Variants in UXS1 observed in about 807,000 individuals in gnomAD.
UXS1 encodes the protein UDP-glucuronic acid decarboxylase 1.
In UXS1, 33 loss-of-function variants were observed where a neutral mutation model predicts 62.6. The observed-to-expected ratio is 0.53, with a 90% CI of 0.40 to 0.70. The LOEUF (loss-of-function observed/expected upper bound fraction) is 0.70, where lower values mean the gene tolerates loss of function less well. UXS1 is among the 30% of genes least tolerant of loss of function. The pLI, the probability that UXS1 is intolerant of heterozygous loss-of-function variation, is 0.00. For missense variants in UXS1, 434 were observed against 556.3 expected, an observed-to-expected ratio of 0.78 and a Z score of 2.21; for synonymous variants, 213 against 206.8, an observed-to-expected ratio of 1.03 and a Z score of -0.26.
At chr2:106,120,863 G>A (rs1037052833) in intron 9 of UXS1, among the ~76,000 whole-genome samples, 1 of 152,226 alleles carries the variant, frequency 6.6e-6, no homozygotes, top group Non-Finnish European at 1.5e-5. Context: ...CCAACGGAGT[G>A]ACAGGGACAC....
At chr2:106,112,385 G>A (rs960623056) in intron 10 of UXS1, among the ~76,000 whole-genome samples, 2 of 152,210 alleles carry the variant, frequency 1.3e-5, no homozygotes, top group African/African-American at 2.4e-5. Flanking sequence ...TTCACAGGCC[G>A]GCTGGTACAG....
chr2:106,130,710 A>G (rs1422576813), intron 6 of UXS1, among the ~76,000 whole-genome samples: 1 of 152,206 alleles, frequency 6.6e-6, no homozygotes, highest in Non-Finnish European at 1.5e-5. Context: ...CGGGAATGGA[A>G]GAGCTGAAGA....
At chr2:106,155,735 C>G (rs1379133397) in intron 5 of UXS1, among the ~76,000 whole-genome samples, 1 of 152,062 alleles carries the variant, frequency 6.6e-6, no homozygotes, top group Non-Finnish European at 1.5e-5. Flanking sequence ...AGAATGTATC[C>G]CCACTGTTAA....
At chr2:106,166,285 A>G in intron 1 of UXS1, 1 of 528,074 alleles carries the variant, frequency 1.9e-6, no homozygotes, top group Non-Finnish European at 3.2e-6. Flanking sequence ...GAGTTTATTC[A>G]GGCCAAGTTT....
intron 5 of UXS1, among the ~76,000 whole-genome samples, chr2:106,145,808 A>T (rs1284126865): frequency 6.6e-6 from 1 of 152,140 alleles, no homozygotes; most frequent in Non-Finnish European, 1.5e-5. Context: ...ACTACCAAGA[A>T]AAAAAAACTT....
chr2:106,185,150 C>T lies in UXS1; in HGVS notation c.94+8998G>A, dbSNP rs1056905970. ...CTCATTCCATCACTTTCACCTTCAA[C>T]TCCACTGCCCAAATTGTATCCTTCT... is the stretch of plus-strand genomic sequence containing the variant. On this transcript the variant is annotated intron_variant, in intron 1 of 14. Transcript: ENST00000283148. 2.0e-5 allele frequency among the ~76,000 whole-genome samples: 3 copies of T among 152,180 alleles called. No individual in the cohort carries two copies. In the South Asian group the frequency reaches 6.2e-4, roughly 31 times the overall value.
At chr2:106,178,503 T>C (rs1473687264) in intron 1 of UXS1, among the ~76,000 whole-genome samples, 2 of 121,322 alleles carry the variant, frequency 1.6e-5, no homozygotes, top group Non-Finnish European at 3.4e-5. Flanking sequence ...AGTATGTGTA[T>C]GTATACATAT....
chr2:106,103,843 A>T (rs1351043048), intron 11 of UXS1, among the ~76,000 whole-genome samples: 3 of 152,166 alleles, frequency 2.0e-5, no homozygotes, highest in Non-Finnish European at 4.4e-5. Flanking sequence ...TCTTTTTAAA[A>T]TTTTATTTTA....
In UXS1 at chr2:106,099,920, T is replaced by A. The variant is rs1381281446; in HGVS notation, c.984+1138A>T. Among the ~76,000 whole-genome samples the A allele has an allele frequency of 2.6e-5, 4 of 152,226 alleles. No individual in the cohort carries two copies. In the East Asian group the frequency reaches 7.7e-4, roughly 29 times the overall value. ...TCCAGGGCAATTCTTTCCTACGTGA[T>A]GAGAATTCCCTTTCACCTCAGGGAA... On this transcript the variant is annotated intron_variant, in intron 12 of 14. Transcript: ENST00000283148.
chr2:106,192,942 T>TC (rs1362409967), intron 1 of UXS1, among the ~76,000 whole-genome samples: 2 of 152,204 alleles, frequency 1.3e-5, no homozygotes, highest in African/African-American at 4.8e-5. Context: ...AAATGGTCTT[T>TC]CCTCTTGGGT....
At chr2:106,189,215 C>CA (rs76465958) in intron 1 of UXS1, among the ~76,000 whole-genome samples, 15,583 of 152,088 alleles carry the variant, frequency 0.1, 1,217 homozygotes, top group East Asian at 0.32. Context: ...TGCCAGGGCA[C>CA]AAAAAATGCC....
chr2:106,119,846 T>C (rs1301046703), intron 9 of UXS1, among the ~76,000 whole-genome samples: 1 of 152,200 alleles, frequency 6.6e-6, no homozygotes, highest in Non-Finnish European at 1.5e-5. Context: ...TCTCTCACAA[T>C]CTTTATATAG....
At chr2:106,143,203 T>C (rs972312296) in intron 6 of UXS1, among the ~76,000 whole-genome samples, 1 of 151,336 alleles carries the variant, frequency 6.6e-6, no homozygotes, top group African/African-American at 2.4e-5. Context: ...GGGCAGGAGA[T>C]GGAGACCATC....
chr2:106,093,859 G>A lies in UXS1; in HGVS notation c.*167C>T, dbSNP rs565247532. 3 of 942,370 alleles carry A rather than the reference G, an allele frequency of 3.2e-6. No individual in the cohort carries two copies. In the South Asian group the frequency reaches 8.1e-5, roughly 25 times the overall value. 58.4% of individuals were successfully genotyped at this position (942,370 alleles called of 1,614,324 possible). On this transcript the variant is annotated 3_prime_UTR_variant, in exon 15 of 15. Coordinates refer to ENST00000283148, the MANE Select transcript of UXS1 (RefSeq NM_001253875.2). ...AAGGCAAAATCTGCAGTTTTTTGAG[G>A]GGAGCTTTTAGGCACATCCATTTCA...
At chr2:106,106,910 GA>G (rs777520680) in intron 10 of UXS1, among the ~76,000 whole-genome samples, 2 of 152,242 alleles carry the variant, frequency 1.3e-5, no homozygotes, top group Non-Finnish European at 2.9e-5. Flanking sequence ...TCAGCAGAGT[GA>G]AATTTATCTT....
intron 10 of UXS1, among the ~76,000 whole-genome samples, chr2:106,111,832 G>A (rs1003267503): frequency 1.3e-5 from 2 of 152,130 alleles, no homozygotes; most frequent in Admixed American, 6.5e-5. Context: ...GATGCAAATC[G>A]ACTCGAGTCC....
rs1490714551 is a variant in UXS1, at chr2:106,194,266, G to C, written c.-25C>G. The C allele has an allele frequency of 7.6e-6, 10 of 1,316,646 alleles. No homozygotes were observed. The highest frequency in any genetic ancestry group is 8.8e-6 in the Non-Finnish European group (9 of 1,020,470). The allele number at this position is 1,316,646 out of a possible 1,614,324, so 81.6% of individuals were successfully genotyped here. ...TCCCCGGGAGCCGCGCGGGTCCAGG[G>C]CCCTACCGCGCGGGGGCCCGCCTGC... On this transcript the variant is annotated 5_prime_UTR_variant, in exon 1 of 15. Coordinates refer to ENST00000283148, the MANE Select transcript of UXS1 (RefSeq NM_001253875.2).
intron 11 of UXS1, 51 bp downstream of exon 11, chr2:106,104,742 GA>G: frequency 6.2e-7 from 1 of 1,609,098 alleles, no homozygotes; most frequent in Non-Finnish European, 8.5e-7. Flanking sequence ...AAGTTGGCAT[GA>G]CCCCTGCTCC....
chr2:106,100,805 C>T (rs1228596453), intron 12 of UXS1: 3 of 460,476 alleles, frequency 6.5e-6, no homozygotes, highest in Non-Finnish European at 1.1e-5. Flanking sequence ...AGGCTTCACA[C>T]AATCTTAGAC....
Sources: gnomAD v4.1 joint callset for allele counts (sites outside exome capture counted in the v4.1 genomes callset) on GRCh38, gnomAD v4.1.1 for gene constraint, MANE v1.5 for transcripts, NCBI Gene and HGNC (gene_info 2026-07-23, HGNC 2026-07-21) for gene names.